The following SLC12A7 variants were observed in gnomAD, a reference collection of about 807,000 sequenced individuals.
SLC12A7 encodes the protein K-Cl cotransporter 4.
Under a neutral mutation model 120.6 loss-of-function variants are expected in SLC12A7, and 100 were observed. The observed-to-expected ratio is 0.83, with a 90% CI of 0.71 to 0.98. The LOEUF (loss-of-function observed/expected upper bound fraction) is 0.98. SLC12A7 is among the 50% of genes least tolerant of loss of function. The probability of loss-of-function intolerance (pLI) is 0.00; values close to 1 mark genes in which losing one functional copy is unlikely to be tolerated. For missense variants in SLC12A7, 1,373 were observed against 1,548.1 expected (o/e 0.89, Z 1.90); for synonymous variants, 760 against 678.0 (o/e 1.12, Z -1.88).
chr5:1,125,294 T>A, the SLC12A7 span, among the ~76,000 whole-genome samples: 3 of 151,658 alleles, frequency 2.0e-5, no homozygotes, highest in East Asian at 1.9e-4. Context: ...TGTGTGTGTG[T>A]GAATTCTTTT....
chr5:1,080,095 G>A (rs2150843349), intron 9 of SLC12A7, among the ~76,000 whole-genome samples: 1 of 152,132 alleles, frequency 6.6e-6, no homozygotes, highest in African/African-American at 2.4e-5. Flanking sequence ...GGCCTGGGAG[G>A]CAGCAGAGCC....
At chr5:1,109,817 C>T (rs1742857888) in intron 1 of SLC12A7, among the ~76,000 whole-genome samples, 1 of 152,280 alleles carries the variant, frequency 6.6e-6, no homozygotes, top group Non-Finnish European at 1.5e-5. Flanking sequence ...ACCCAGGCGC[C>T]AGCCCAGAAG....
intron 17 of SLC12A7, among the ~76,000 whole-genome samples, chr5:1,067,324 C>A (rs765757228): frequency 5.9e-4 from 90 of 152,224 alleles, no homozygotes; most frequent in Non-Finnish European, 2.9e-5. Context: ...GCGGACGCTG[C>A]GGGGTGGACA....
rs933240397 is a variant in SLC12A7 at position 1,051,296 on chromosome 5, C to T, written c.*1064G>A. ...GCCACTGCTGCCTGAGGACCTCCCA[C>T]GTCGGGTCCGTGTCCTCCTTCCCTG... On this transcript the variant is annotated 3_prime_UTR_variant, in exon 24 of 24. Coordinates refer to ENST00000264930, the MANE Select transcript of SLC12A7 (RefSeq NM_006598.3). The T allele has an allele frequency of 3.0e-5, 5 of 167,972 alleles. No homozygotes were observed. Among genetic ancestry groups the T allele is most frequent in the East Asian group, 1.5e-4 (1 of 6,470 alleles). 10.4% of individuals were successfully genotyped at this position (167,972 alleles called of 1,614,324 possible).
the SLC12A7 span, among the ~76,000 whole-genome samples, chr5:1,151,467 C>T: frequency 6.6e-6 from 1 of 152,216 alleles, no homozygotes; most frequent in Non-Finnish European, 1.5e-5. This position sits in a 1 kb window ranked among gnomAD's most constrained non-coding sequence, Gnocchi z 6.2. Context: ...GGGCTGCACA[C>T]AACCCTCCAG....
intron 16 of SLC12A7, 23 bp from the exon 17 acceptor site, chr5:1,073,824 G>A (rs1009559242): frequency 3.6e-6 from 5 of 1,393,030 alleles, no homozygotes; most frequent in Middle Eastern, 1.9e-4. Context: ...TGGGGCGGCT[G>A]TTACCACGGC....
chr5:1,081,035 G>A (rs1403552161), intron 9 of SLC12A7, among the ~76,000 whole-genome samples: 1 of 149,462 alleles, frequency 6.7e-6, no homozygotes, highest in African/African-American at 2.5e-5. Context: ...GAGAGAGAGA[G>A]GGAGGGAGGG....
the SLC12A7 span, among the ~76,000 whole-genome samples, chr5:1,141,038 G>A: frequency 6.6e-6 from 1 of 152,208 alleles, no homozygotes; most frequent in South Asian, 2.1e-4. Context: ...GTGGAAATGA[G>A]TGCAGCCAGG....
rs1410370225 is a variant in SLC12A7, at chr5:1,050,714, T to C, written c.*1646A>G. The C allele has an allele frequency of 7.6e-6, 3 of 396,272 alleles. No homozygotes were observed. The highest frequency in any genetic ancestry group is 7.1e-5 in the East Asian group (2 of 27,996). The allele number at this position is 396,272 out of a possible 1,614,324, so 24.5% of individuals were successfully genotyped here. A position where few individuals can be genotyped will look rare whatever the true frequency, so the allele number is the denominator to read the frequency against. On this transcript the variant is annotated 3_prime_UTR_variant, in exon 24 of 24. Coordinates refer to ENST00000264930, the MANE Select transcript of SLC12A7 (RefSeq NM_006598.3). The stretch of plus-strand genomic sequence containing the variant: ...GGGGACACAGGACCTGCCGGCCCCA[T>C]CCAGACATGGAGGAGCGTTTTGCTG...
the SLC12A7 span, among the ~76,000 whole-genome samples, chr5:1,145,467 C>G: frequency 6.6e-6 from 1 of 152,218 alleles, no homozygotes; most frequent in Non-Finnish European, 1.5e-5. This position sits in a 1 kb window ranked among gnomAD's most constrained non-coding sequence, Gnocchi z 4.4. Context: ...TGCAGGCTGC[C>G]TAGCGGCCAG....
rs1335596944 is a variant in SLC12A7 at position 1,081,673 on chromosome 5, C to T, written c.1201G>A (p.Ala401Thr). The T allele has an allele frequency of 6.2e-7, 1 of 1,613,154 alleles. No individual in the cohort carries two copies. Among genetic ancestry groups the T allele is most frequent in the Admixed American group, 1.7e-5 (1 of 60,034 alleles). ...EKKGVPSVPV[A>T]EESRASALPY... ...AGTGCGCTGGCACGGCTCTCCTCTGCCACGGGCACCGAGGGCACACCTTTC... is the reference window on the plus strand; with the variant it reads ...AGTGCGCTGGCACGGCTCTCCTCTGTCACGGGCACCGAGGGCACACCTTTC... The change falls in exon 9 of 24, where the codon GCA (alanine) becomes ACA (threonine). Residue 401 changes from alanine to threonine, a missense_variant. Physicochemically the swap from Ala to Thr is moderately conservative, Grantham distance 58. Coordinates refer to ENST00000264930, the MANE Select transcript of SLC12A7 (RefSeq NM_006598.3).
chr5:1,142,060 G>A, the SLC12A7 span, among the ~76,000 whole-genome samples: 1 of 151,982 alleles, frequency 6.6e-6, no homozygotes, highest in Non-Finnish European at 1.5e-5. Context: ...TGGTGCTAGA[G>A]GCGGGGCAGG....
At chr5:1,084,524 G>T (rs886872741) in intron 7 of SLC12A7, among the ~76,000 whole-genome samples, 22 of 152,152 alleles carry the variant, frequency 1.4e-4, no homozygotes, top group African/African-American at 5.3e-4. Flanking sequence ...TATAAGCCAG[G>T]CCTGTACGTG....
chr5:1,074,808 C>T (rs1341577302), intron 15 of SLC12A7, 137 bp from the exon 16 acceptor site: 10 of 739,170 alleles, frequency 1.4e-5, no homozygotes, highest in Non-Finnish European at 2.0e-5. Context: ...AGGAGGGAGG[C>T]CTCCATGCCC....
At chr5:1,060,294 G>A (rs760598076) in intron 21 of SLC12A7, 50 bp downstream of exon 21, 63 of 1,395,422 alleles carry the variant, frequency 4.5e-5, no homozygotes, top group Non-Finnish European at 5.1e-5. Context: ...CGGCGAAGTC[G>A]GCTATACTTC....
chr5:1,100,195 C>T (rs548350915), intron 1 of SLC12A7, among the ~76,000 whole-genome samples: 1 of 152,348 alleles, frequency 6.6e-6, no homozygotes, highest in East Asian at 1.9e-4. Context: ...GAATCATCCA[C>T]GAATGTCCCT....
the SLC12A7 span, among the ~76,000 whole-genome samples, chr5:1,155,164 G>C: frequency 6.8e-6 from 1 of 148,054 alleles, no homozygotes; most frequent in Non-Finnish European, 1.5e-5. Context: ...AGGAGGACAC[G>C]GTTCTGCTCC....
chr5:1,059,498 G>A (rs577296779), intron 21 of SLC12A7, among the ~76,000 whole-genome samples: 2 of 152,282 alleles, frequency 1.3e-5, no homozygotes, highest in African/African-American at 2.4e-5. Context: ...CCAGCCTGGT[G>A]GGACCCACGA....
At position 1,052,279 on chromosome 5, in the gene SLC12A7, G is replaced by C; in HGVS notation, c.*81C>G. ...TGGGGGACAGGTGTGTCTGCCGTCT[G>C]TTTCCCTGGGCCAAGCCCAGGCCCA... On this transcript the variant is annotated 3_prime_UTR_variant, in exon 24 of 24. Coordinates refer to ENST00000264930, the MANE Select transcript of SLC12A7 (RefSeq NM_006598.3). The C allele has an allele frequency of 8.3e-7, 1 of 1,209,586 alleles. No homozygotes were observed. Among genetic ancestry groups the C allele is most frequent in the Non-Finnish European group, 1.2e-6 (1 of 815,290 alleles). 74.9% of individuals were successfully genotyped at this position (1,209,586 alleles called of 1,614,324 possible). A position where few individuals can be genotyped will look rare whatever the true frequency, so the allele number is the denominator to read the frequency against.
Sources: gnomAD v4.1 joint callset for allele counts (sites outside exome capture counted in the v4.1 genomes callset) on GRCh38, gnomAD v4.1.1 for gene constraint, Gnocchi (gnomAD v3.1) non-coding constraint, MANE v1.5 for transcripts, NCBI Gene and HGNC (gene_info 2026-07-23, HGNC 2026-07-21) for gene names.